Variants in AFF2 observed in about 807,000 individuals in gnomAD.
AFF2 encodes AF4/FMR2 family member 2.
AFF2 carries 14 observed loss-of-function variants against 76.9 expected under a neutral mutation model. That is an observed-to-expected ratio of 0.18 (90% CI 0.12 to 0.28). The LOEUF (loss-of-function observed/expected upper bound fraction) is 0.28. Ranked by LOEUF, AFF2 falls within the 10% of genes least tolerant of loss-of-function variation. The pLI is 1.00. For missense variants in AFF2, 868 were observed against 1,001.1 expected (o/e 0.87, Z 1.79); for synonymous variants, 398 against 366.7 (o/e 1.09, Z -0.98).
intron 20 of AFF2, among the ~76,000 whole-genome samples, chrX:148,990,334 C>T: frequency 8.9e-6 from 1 of 112,087 alleles, no homozygotes; most frequent in Non-Finnish European, 1.9e-5. Flanking sequence ...CCTCACCCCA[C>T]CCCCTGACAC....
At chrX:148,579,055 G>A (rs1005074755) in intron 1 of AFF2, among the ~76,000 whole-genome samples, 16 of 111,886 alleles carry the variant, frequency 1.4e-4, no homozygotes, top group African/African-American at 5.2e-4. Flanking sequence ...TGTTAGCATG[G>A]CAGCTAAGTT....
intron 1 of AFF2, among the ~76,000 whole-genome samples, chrX:148,506,180 A>C (rs1009567014): frequency 1.7e-4 from 19 of 111,693 alleles, no homozygotes; most frequent in Admixed American, 1.1e-3. Context: ...TCAGTGATGC[A>C]ATCCAGGTTT....
At chrX:148,630,615 G>A (rs782164129) in intron 1 of AFF2, among the ~76,000 whole-genome samples, 3 of 111,468 alleles carry the variant, frequency 2.7e-5, no homozygotes, top group East Asian at 2.9e-4. Context: ...TTGGAGGAAC[G>A]GATCTTGCAG....
At chrX:148,550,964 A>G (rs782818023) in intron 1 of AFF2, among the ~76,000 whole-genome samples, 179 of 108,655 alleles carry the variant, frequency 1.6e-3, no homozygotes, top group Non-Finnish European at 2.9e-3. Flanking sequence ...TCCCTGACCT[A>G]GATACACACT....
In AFF2 at chrX:148,976,964, C is replaced by T. The variant is rs781974222; in HGVS notation, c.3405-969C>T. ...AAGGCGGCTAGAATGCTGAGGAGGC[C>T]GAGTCTCAGGGGGTGAGCCTGGGCT... On this transcript the variant is annotated intron_variant, in intron 16 of 20. Transcript: ENST00000370460. Among the ~76,000 whole-genome samples, 9 of 112,317 alleles carry T rather than the reference C, an allele frequency of 8.0e-5. No homozygotes were observed. The South Asian group carries it at 3.0e-3, about 37-fold the overall frequency.
At chrX:148,805,095 C>G (rs2070111004) in intron 3 of AFF2, among the ~76,000 whole-genome samples, 1 of 111,391 alleles carries the variant, frequency 9.0e-6, no homozygotes, top group African/African-American at 3.3e-5. Flanking sequence ...ATTAGTAATT[C>G]TGCATCAGGG....
chrX:148,846,852 CTG>C, intron 7 of AFF2, among the ~76,000 whole-genome samples: 1 of 112,251 alleles, frequency 8.9e-6, no homozygotes, highest in Admixed American at 9.4e-5. Flanking sequence ...AGGATTCAGA[CTG>C]TGAATGGACT....
intron 1 of AFF2, among the ~76,000 whole-genome samples, chrX:148,602,348 T>A (rs782627599): frequency 9.0e-6 from 1 of 110,814 alleles, no homozygotes; most frequent in African/African-American, 3.3e-5. Context: ...CTGAGAGCAG[T>A]GGGAAGTTGT....
chrX:148,842,404 G>T (rs903758854), intron 5 of AFF2, among the ~76,000 whole-genome samples: 1 of 112,503 alleles, frequency 8.9e-6, no homozygotes, highest in Non-Finnish European at 1.9e-5. Context: ...TCTATACTTC[G>T]ACAGACTTGC....
At chrX:148,510,199 A>G (rs1557232969) in intron 1 of AFF2, among the ~76,000 whole-genome samples, 1 of 112,234 alleles carries the variant, frequency 8.9e-6, no homozygotes. Flanking sequence ...TCATTCAGGC[A>G]CTATGCTAGT....
In AFF2 at chrX:148,993,976, A is replaced by C. The variant is rs2072563353; in HGVS notation, c.*2644A>C. On this transcript the variant is annotated 3_prime_UTR_variant, in exon 21 of 21. Transcript: ENST00000370460. ...AGGTGTGCAGCTATTTGAGGGACTA[A>C]GGGATGGAGATATTCTGTCAAATGA... 8.9e-6 allele frequency: 1 copy of C among 112,397 alleles called. No individual in the cohort carries two copies. The highest frequency in any genetic ancestry group is 3.2e-5 in the African/African-American group (1 of 30,824). 9.3% of individuals were successfully genotyped at this position (112,397 alleles called of 1,213,427 possible).
intron 1 of AFF2, among the ~76,000 whole-genome samples, chrX:148,635,778 T>C (rs1197559257): frequency 9.1e-6 from 1 of 110,157 alleles, no homozygotes; most frequent in African/African-American, 3.3e-5. Flanking sequence ...TATGTGTCAC[T>C]GTGCCCAGGG....
At chrX:148,785,809 G>A (rs1350910889) in intron 3 of AFF2, among the ~76,000 whole-genome samples, 4 of 111,991 alleles carry the variant, frequency 3.6e-5, no homozygotes, top group African/African-American at 1.3e-4. Context: ...CCACACTTAA[G>A]ACAAATCAGT....
At chrX:148,865,249 A>G (rs1351058428) in intron 7 of AFF2, among the ~76,000 whole-genome samples, 1 of 112,800 alleles carries the variant, frequency 8.9e-6, no homozygotes, top group Non-Finnish European at 1.9e-5. Context: ...CCTGAATTAA[A>G]GGCATCATTG....
chrX:148,558,035 A>C (rs1239065618), intron 1 of AFF2, among the ~76,000 whole-genome samples: 1 of 112,032 alleles, frequency 8.9e-6, no homozygotes, highest in Non-Finnish European at 1.9e-5. Flanking sequence ...GCTTCAATAC[A>C]TTTGATAAAC....
intron 9 of AFF2, among the ~76,000 whole-genome samples, chrX:148,913,735 G>A (rs1246012048): frequency 3.6e-5 from 4 of 112,082 alleles, no homozygotes; most frequent in African/African-American, 1.3e-4. Flanking sequence ...TTCTAACTCT[G>A]TCCTTCTTAG....
At chrX:148,991,003 G>A (rs1344873513) in intron 20 of AFF2, among the ~76,000 whole-genome samples, 2 of 112,048 alleles carry the variant, frequency 1.8e-5, no homozygotes, top group African/African-American at 6.5e-5. Context: ...GCTCACTAAA[G>A]ATTAAAATAA....
chrX:148,653,167 G>A (rs2054218322), intron 2 of AFF2, among the ~76,000 whole-genome samples: 1 of 111,546 alleles, frequency 9.0e-6, no homozygotes, highest in Non-Finnish European at 1.9e-5. Flanking sequence ...AGTTTGGTAA[G>A]CCTGATGAAG....
intron 1 of AFF2, among the ~76,000 whole-genome samples, chrX:148,593,987 A>G (rs1466014788): frequency 9.0e-6 from 1 of 111,648 alleles, no homozygotes; most frequent in Non-Finnish European, 1.9e-5. Context: ...CTTCACAGGG[A>G]TATGAACTAA....
Sources: gnomAD v4.1 joint callset for allele counts (sites outside exome capture counted in the v4.1 genomes callset) on GRCh38, gnomAD v4.1.1 for gene constraint, MANE v1.5 for transcripts, NCBI Gene and HGNC (gene_info 2026-07-23, HGNC 2026-07-21) for gene names.